LRRC49: variants seen among roughly 807,000 people sequenced by gnomAD.
LRRC49 encodes leucine rich repeat containing 49, also known as leucine-rich repeat-containing protein 49.
Under a neutral mutation model 83.3 loss-of-function variants are expected in LRRC49, and 50 were observed. The observed-to-expected ratio is 0.60, with a 90% CI of 0.48 to 0.76. LRRC49 has a LOEUF of 0.76. LRRC49 is among the 30% of genes least tolerant of loss of function. The pLI, the probability that LRRC49 is intolerant of heterozygous loss-of-function variation, is 0.00. For missense variants in LRRC49, 704 were observed against 809.1 expected (o/e 0.87, Z 1.58); for synonymous variants, 286 against 283.3 (o/e 1.01, Z -0.10).
intron 11 of LRRC49, among the ~76,000 whole-genome samples, chr15:70,992,168 T>C (rs574473572): frequency 6.6e-6 from 1 of 152,312 alleles, no homozygotes; most frequent in Admixed American, 6.5e-5. Context: ...CATCAGGTCA[T>C]TTAAGGACTT....
intron 11 of LRRC49, among the ~76,000 whole-genome samples, chr15:70,986,929 G>T (rs945203723): frequency 5.3e-5 from 8 of 152,150 alleles, no homozygotes; most frequent in African/African-American, 1.7e-4. Flanking sequence ...TTATATGCTG[G>T]ATTACATTTA....
intron 2 of LRRC49, chr15:70,882,849 A>G (rs770125720): frequency 6.2e-7 from 1 of 1,614,160 alleles, no homozygotes; most frequent in Admixed American, 1.7e-5. Context: ...CTGAAGTGAC[A>G]GTATTAGATG....
At chr15:70,901,167 G>C (rs906237243) in intron 4 of LRRC49, 143 bp downstream of exon 4, 5 of 537,100 alleles carry the variant, frequency 9.3e-6, no homozygotes, top group Non-Finnish European at 1.3e-5. Flanking sequence ...TTTTTAACCA[G>C]TTTTTTGCTT....
At chr15:70,945,030 C>T (rs1307526294) in intron 8 of LRRC49, among the ~76,000 whole-genome samples, 1 of 152,180 alleles carries the variant, frequency 6.6e-6, no homozygotes, top group South Asian at 2.1e-4. Flanking sequence ...TGTGTACCCA[C>T]ATCCTAATAT....
chr15:70,972,810 C>T (rs1165631994), intron 9 of LRRC49, among the ~76,000 whole-genome samples: 7 of 151,984 alleles, frequency 4.6e-5, no homozygotes, highest in African/African-American at 1.7e-4. Context: ...TCACGAAATT[C>T]TTGTGCTGTG....
At chr15:70,980,741 C>A (rs1309404053) in intron 10 of LRRC49, among the ~76,000 whole-genome samples, 1 of 151,970 alleles carries the variant, frequency 6.6e-6, no homozygotes, top group Non-Finnish European at 1.5e-5. Context: ...TTTATATTAA[C>A]ATTGCAAAGT....
rs1249625228 is a variant in LRRC49 at position 70,986,244 on chromosome 15, T to C, written c.1169+1987T>C. On this transcript the variant is annotated intron_variant, in intron 11 of 15. Coordinates refer to ENST00000260382, the MANE Select transcript of LRRC49 (RefSeq NM_017691.5). The stretch of plus-strand genomic sequence containing the variant: ...TTGAGCAGTATGGCCATTTTCATGA[T>C]ATTGATTCTTCCTACCCATGAGCAT... 7.2e-5 allele frequency among the ~76,000 whole-genome samples: 11 copies of C among 152,318 alleles called. No individual in the cohort carries two copies. The East Asian group carries it at 2.1e-3, about 29-fold the overall frequency.
chr15:71,013,120 A>G (rs967115337), intron 14 of LRRC49, among the ~76,000 whole-genome samples: 1 of 152,204 alleles, frequency 6.6e-6, no homozygotes, highest in African/African-American at 2.4e-5. Flanking sequence ...AAAGATATAC[A>G]CATACAATTA....
intron 11 of LRRC49, among the ~76,000 whole-genome samples, chr15:71,003,062 C>T (rs1291972099): frequency 4.7e-5 from 7 of 150,234 alleles, no homozygotes; most frequent in Non-Finnish European, 7.4e-5. Context: ...CTCAGCCTCC[C>T]GAGTAGCTGG....
intron 10 of LRRC49, among the ~76,000 whole-genome samples, chr15:70,980,420 G>A (rs565744443): frequency 6.6e-6 from 1 of 152,180 alleles, no homozygotes; most frequent in South Asian, 2.1e-4. Flanking sequence ...GTTTTAAAAG[G>A]AAGAGATGAT....
At chr15:70,891,597 GTGT>G (rs1406100331), upstream of LRRC49, among the ~76,000 whole-genome samples, 4 of 151,312 alleles carry the variant, frequency 2.6e-5, no homozygotes, top group African/African-American at 9.7e-5. Context: ...GTGTGTGTGT[GTGT>G]GTGTGTGTGT....
chr15:70,870,599 T>C (rs577058684), intron 1 of LRRC49, among the ~76,000 whole-genome samples: 1 of 152,352 alleles, frequency 6.6e-6, no homozygotes, highest in African/African-American at 2.4e-5. Flanking sequence ...CAAGCGATTC[T>C]CCTGCCTCAG....
intron 8 of LRRC49, among the ~76,000 whole-genome samples, chr15:70,957,448 A>AT (rs2036442628): frequency 6.6e-6 from 1 of 152,208 alleles, no homozygotes; most frequent in Non-Finnish European, 1.5e-5. Flanking sequence ...TTAAATAATA[A>AT]TTCCAATAAA....
At chr15:70,864,917 C>T (rs893193103) in intron 1 of LRRC49, among the ~76,000 whole-genome samples, 4 of 152,184 alleles carry the variant, frequency 2.6e-5, no homozygotes, top group Admixed American at 6.5e-5. Flanking sequence ...AGTCAGGGCT[C>T]TCTTAGCTGC....
chr15:70,862,878 A>G (rs913878855), intron 1 of LRRC49, among the ~76,000 whole-genome samples: 3 of 152,122 alleles, frequency 2.0e-5, no homozygotes, highest in African/African-American at 7.2e-5. Flanking sequence ...TCAAAGATGC[A>G]TTTCTCATGT....
exon 2 of LRRC49, chr15:70,872,927 C>T (rs2033080573): frequency 3.6e-6 from 1 of 278,518 alleles, no homozygotes; most frequent in African/African-American, 2.2e-5. Context: ...CACTCTGTCG[C>T]CTAGGCTGGA....
intron 1 of LRRC49, among the ~76,000 whole-genome samples, chr15:70,870,894 C>T (rs141535064): frequency 6.1e-4 from 92 of 150,848 alleles, no homozygotes; most frequent in Non-Finnish European, 9.7e-4. Context: ...TTAAGAATTT[C>T]TAGATATGCT....
chr15:70,877,286 C>T (rs1380349339), intron 2 of LRRC49, among the ~76,000 whole-genome samples: 3 of 152,164 alleles, frequency 2.0e-5, no homozygotes, highest in East Asian at 1.9e-4. Flanking sequence ...ATGTAACCCT[C>T]ATCACATTGG....
intron 6 of LRRC49, among the ~76,000 whole-genome samples, chr15:70,917,435 T>A (rs182903286): frequency 6.6e-6 from 1 of 152,160 alleles, no homozygotes; most frequent in Admixed American, 6.5e-5. Context: ...TGAGCAGACA[T>A]TGGGATAACC....
Sources: gnomAD v4.1 joint callset for allele counts (sites outside exome capture counted in the v4.1 genomes callset) on GRCh38, gnomAD v4.1.1 for gene constraint, MANE v1.5 for transcripts, NCBI Gene and HGNC (gene_info 2026-07-23, HGNC 2026-07-21) for gene names.